Variants in FAM53A observed in about 807,000 individuals in gnomAD.
FAM53A encodes family with sequence similarity 53 member A.
Under a neutral mutation model 26.6 loss-of-function variants are expected in FAM53A, and 28 were observed. That is an observed-to-expected ratio of 1.05 (90% CI 0.78 to 1.45). The LOEUF (loss-of-function observed/expected upper bound fraction) is 1.45. Ranked by LOEUF, FAM53A falls within the 40% of genes most tolerant of loss-of-function variation. The probability of loss-of-function intolerance (pLI) is 0.00; values close to 1 mark genes in which losing one functional copy is unlikely to be tolerated. For missense variants in FAM53A, 650 were observed against 575.8 expected (o/e 1.13, Z -1.32); for synonymous variants, 290 against 253.1 (o/e 1.15, Z -1.38).
chr4:1,591,926 T>G, the FAM53A span, among the ~76,000 whole-genome samples: 1 of 152,158 alleles, frequency 6.6e-6, no homozygotes, highest in Admixed American at 6.5e-5. Context: ...GCCTCCTTCT[T>G]GGGTGCAGGG....
the FAM53A span, among the ~76,000 whole-genome samples, chr4:1,598,805 G>A: frequency 6.6e-6 from 1 of 152,256 alleles, no homozygotes; most frequent in East Asian, 1.9e-4. Flanking sequence ...GGAGCCCGGC[G>A]GGCGGAGCGT....
Position 1,655,173 on chromosome 4 carries a change from G to A in FAM53A, c.687C>T (p.Leu229=), listed in dbSNP as rs199786620. Residue 229 remains leucine, a synonymous_variant, in exon 4 of 5, where the codon CTC becomes CTT. Transcript: ENST00000308132. ...AGGGCAGGGGAGTGCCCGCACCCGC[G>A]AGTCGCTCCTGTGAGAGGGACGGGC... ...RRRPSLSQER[L]AGAGTPLPWA... is the part of the protein sequence containing the mutation. 7.2e-5 allele frequency: 113 copies of A among 1,572,732 alleles called. No individual in the cohort carries two copies. In the East Asian group the frequency reaches 2.2e-3, roughly 30 times the overall value.
At chr4:1,660,742 A>G (rs1321454466) in intron 2 of FAM53A, among the ~76,000 whole-genome samples, 1 of 152,010 alleles carries the variant, frequency 6.6e-6, no homozygotes, top group Non-Finnish European at 1.5e-5. Context: ...CAAAAAAATT[A>G]GCCAGGCGTG....
At chr4:1,664,598 G>A (rs1714085970) in intron 2 of FAM53A, among the ~76,000 whole-genome samples, 1 of 152,178 alleles carries the variant, frequency 6.6e-6, no homozygotes, top group African/African-American at 2.4e-5. Flanking sequence ...AGTTGACATG[G>A]GAGAGCTGGT....
At position 1,655,109 on chromosome 4, in the gene FAM53A, C is replaced by T. The variant is rs200357652; in HGVS notation, c.751G>A (p.Gly251Arg). Residue 251 changes from glycine to arginine, a missense_variant, in exon 4 of 5, where the codon GGG becomes AGG. Transcript: ENST00000308132. ...CGGCACCGGAGCAGCCCACGGCGCCCGCCCAGCGCAGGCGTGGACGTGGGG... is the reference window on the plus strand; with the variant it reads ...CGGCACCGGAGCAGCCCACGGCGCCTGCCCAGCGCAGGCGTGGACGTGGGG... ...SSPTSTPALG[G>R]RRGLLRCRSQ... The T allele has an allele frequency of 1.2e-3, 2,000 of 1,600,658 alleles. 21 individuals carry two copies. The African/African-American group carries it at 0.023, about 18-fold the overall frequency.
the FAM53A span, among the ~76,000 whole-genome samples, chr4:1,578,277 TAG>T: frequency 5.9e-5 from 9 of 152,184 alleles, no homozygotes; most frequent in Admixed American, 5.9e-4. Context: ...GCTAAATTGC[TAG>T]ATTAACCAAT....
chr4:1,651,745 T>C (rs191833204), intron 4 of FAM53A, among the ~76,000 whole-genome samples: 32 of 145,648 alleles, frequency 2.2e-4, no homozygotes, highest in African/African-American at 7.6e-4. Flanking sequence ...GACCCAAAGC[T>C]GGGGACAGGG....
chr4:1,641,018 G>A lies in FAM53A; in HGVS notation c.*275C>T. On this transcript the variant is annotated 3_prime_UTR_variant, in exon 5 of 5. Coordinates refer to ENST00000308132, the MANE Select transcript of FAM53A (RefSeq NM_001174070.3). ...CTGTGCCCCAGGGCAGGTGCCGGTG[G>A]CAGCCGTGGCCCCGACCAGCTCACA... The A allele has an allele frequency of 4.8e-6, 2 of 419,322 alleles. No individual in the cohort carries two copies. Among genetic ancestry groups the A allele is most frequent in the Non-Finnish European group, 8.5e-6 (2 of 236,138 alleles). 26.0% of individuals were successfully genotyped at this position (419,322 alleles called of 1,614,324 possible).
the FAM53A span, among the ~76,000 whole-genome samples, chr4:1,575,102 C>G: frequency 6.6e-6 from 1 of 152,210 alleles, no homozygotes; most frequent in African/African-American, 2.4e-5. Context: ...CCAGCTACCC[C>G]CTGAGTGCCC....
the FAM53A span, among the ~76,000 whole-genome samples, chr4:1,603,944 C>T: frequency 6.6e-6 from 1 of 152,154 alleles, no homozygotes; most frequent in Admixed American, 6.5e-5. Context: ...CCACCTTGGG[C>T]CAGCCAGGTA....
the FAM53A span, among the ~76,000 whole-genome samples, chr4:1,584,368 G>A: frequency 1.3e-5 from 2 of 152,208 alleles, no homozygotes; most frequent in African/African-American, 2.4e-5. Context: ...ATGGTATGAG[G>A]TAGGGATCCT....
chr4:1,650,684 C>T (rs1448023998), intron 4 of FAM53A, among the ~76,000 whole-genome samples: 2 of 151,276 alleles, frequency 1.3e-5, no homozygotes, highest in Admixed American at 6.6e-5. Flanking sequence ...TTAGTAGAGG[C>T]GGGGTTTCAC....
At chr4:1,582,048 C>T in the FAM53A span, among the ~76,000 whole-genome samples, 1 of 152,236 alleles carries the variant, frequency 6.6e-6, no homozygotes, top group Non-Finnish European at 1.5e-5. Context: ...TGAGCCATCA[C>T]TCCCCACCCA....
At chr4:1,644,072 T>G in intron 4 of FAM53A, 1 of 1,372,678 alleles carries the variant, frequency 7.3e-7, no homozygotes, top group Non-Finnish European at 9.7e-7. Context: ...CTCGGTCTGG[T>G]GTCACCCGTG....
At chr4:1,643,666 AAGC>A (rs1186130083) in intron 4 of FAM53A, among the ~76,000 whole-genome samples, 1 of 150,756 alleles carries the variant, frequency 6.6e-6, no homozygotes, top group Non-Finnish European at 1.5e-5. Context: ...TCCCGGGCTC[AAGC>A]AATTCTCCCA....
the FAM53A span, among the ~76,000 whole-genome samples, chr4:1,583,656 C>T: frequency 6.6e-6 from 1 of 152,270 alleles, no homozygotes; most frequent in Non-Finnish European, 1.5e-5. Flanking sequence ...GTGCTCCTGA[C>T]CCTGCTGCTG....
chr4:1,629,774 C>T (rs113097902), intron 1 of FAM53A, among the ~76,000 whole-genome samples: 2 of 152,162 alleles, frequency 1.3e-5, no homozygotes, highest in African/African-American at 4.8e-5. Flanking sequence ...TTTGAGTCTC[C>T]GAAGGCAGTT....
At chr4:1,595,580 G>A in the FAM53A span, among the ~76,000 whole-genome samples, 80 of 152,256 alleles carry the variant, frequency 5.3e-4, no homozygotes, top group East Asian at 7.2e-3. Flanking sequence ...TGGCACAGAC[G>A]GCAGACAAAA....
chr4:1,643,353 C>T (rs921949975), intron 4 of FAM53A, among the ~76,000 whole-genome samples: 2 of 151,862 alleles, frequency 1.3e-5, no homozygotes, highest in Admixed American at 6.6e-5. Context: ...GTAGTCCCAG[C>T]TACTCGGGAG....
Sources: gnomAD v4.1 joint callset for allele counts (sites outside exome capture counted in the v4.1 genomes callset) on GRCh38, gnomAD v4.1.1 for gene constraint, MANE v1.5 for transcripts, NCBI Gene and HGNC (gene_info 2026-07-23, HGNC 2026-07-21) for gene names.